The following LDLRAD2 variants were observed in gnomAD, a reference collection of about 807,000 sequenced individuals.
LDLRAD2 encodes low density lipoprotein receptor class A domain containing 2, also known as low-density lipoprotein receptor class A domain-containing protein 2.
A neutral mutation model predicts 24.9 loss-of-function variants in LDLRAD2; 25 were observed. The ratio of observed to expected loss-of-function variants is 1.00; its 90% CI spans 0.73 to 1.40. The LOEUF is 1.40. Among genes scored for constraint, LDLRAD2 ranks in the 40% most tolerant of loss-of-function variants. LDLRAD2 has a pLI of 0.00. For synonymous variants in LDLRAD2, 182 were observed against 166.7 expected (o/e 1.09, Z -0.71); for missense variants, 391 against 366.2 (o/e 1.07, Z -0.55).
At position 21,824,036 on chromosome 1, in the gene LDLRAD2, C is replaced by T. The variant is rs181703777; in HGVS notation, c.*1821C>T. ...AGTTCTGTCTCCACAGAGCTCAATA[C>T]CTGCCTCTCTGCCCATGGTAGGGGG... On this transcript the variant is annotated 3_prime_UTR_variant, in exon 5 of 5. Coordinates refer to ENST00000344642, the MANE Select transcript of LDLRAD2 (RefSeq NM_001013693.3). This position sits in a 1 kb window ranked among gnomAD's most constrained non-coding sequence, Gnocchi z 5.9. The T allele has an allele frequency of 5.5e-6, 7 of 1,278,346 alleles. No homozygotes were observed. The African/African-American group carries it at 5.9e-5, about 11-fold the overall frequency. The allele number at this position is 1,278,346 out of a possible 1,614,324, so 79.2% of individuals were successfully genotyped here.
At position 21,814,744 on chromosome 1, in the gene LDLRAD2, C is replaced by A. The variant is rs200897902; in HGVS notation, c.432C>A (p.Pro144=). 5.2e-6 allele frequency: 8 copies of A among 1,532,940 alleles called. No homozygotes were observed. In the East Asian group the frequency reaches 1.7e-4, roughly 33 times the overall value. The allele number at this position is 1,532,940 out of a possible 1,614,324, so 95.0% of individuals were successfully genotyped here. ...NIPVPVASSG[P]FLGLRLVTRG... ...CGGTGCCTGTGGCATCCTCCGGACC[C>A]TTTCTAGGCCTGCGCCTGGTCACGA... The change falls in exon 2 of 5, where the codon CCC becomes CCA. Residue 144 remains proline, a synonymous_variant. Coordinates refer to ENST00000344642, the MANE Select transcript of LDLRAD2 (RefSeq NM_001013693.3).
chr1:21,814,815 T>C lies in LDLRAD2; in HGVS notation c.503T>C (p.Phe168Ser). The change falls in exon 2 of 5, where the codon TTC (phenylalanine) becomes TCC (serine). Residue 168 changes from phenylalanine (F) to serine (S), a missense_variant. Transcript: ENST00000344642. ...GACTTCGTGGGCGAAGTCACCTCTT[T>C]CCGTCTGGGTGAGCTGGGGCTGAAG... is the stretch of plus-strand genomic sequence containing the variant. ...RVDFVGEVTS[F>S]RLGPCGAYFR... 1 of 1,474,534 alleles carries C rather than the reference T, an allele frequency of 6.8e-7. No individual in the cohort carries two copies. Among genetic ancestry groups the C allele is most frequent in the Non-Finnish European group, 8.9e-7 (1 of 1,121,022 alleles). 91.3% of individuals were successfully genotyped at this position (1,474,534 alleles called of 1,614,324 possible).
At chr1:21,815,805 A>G (rs1294077704) in intron 2 of LDLRAD2, 138 bp from the exon 3 acceptor site, 1 of 972,816 alleles carries the variant, frequency 1.0e-6, no homozygotes, top group African/African-American at 1.6e-5. Flanking sequence ...TGAAACACTC[A>G]TCCATGTTCT....
intron 3 of LDLRAD2, among the ~76,000 whole-genome samples, chr1:21,819,451 C>A (rs1357819699): frequency 6.6e-6 from 1 of 151,676 alleles, no homozygotes; most frequent in Non-Finnish European, 1.5e-5. Context: ...GCCTGCAGAA[C>A]TGAGACAATT....
chr1:21,821,498 C>T lies in LDLRAD2; in HGVS notation c.692C>T (p.Ser231Phe), dbSNP rs1271523427. 6.2e-7 allele frequency: 1 copy of T among 1,614,176 alleles called. No homozygotes were observed. Among genetic ancestry groups the T allele is most frequent in the South Asian group, 1.1e-5 (1 of 91,082 alleles). ...ACAGGAAGTACAGATGCCCATACCT[C>T]CAGATCCCTGACTCCCTCCCCAGCT... Reference protein sequence around the residue: ...SQTGSTDAHTSRSLTPSPALG... With the variant: ...SQTGSTDAHTFRSLTPSPALG... The change falls in exon 4 of 5, where the codon TCC (serine) becomes TTC (phenylalanine). Residue 231 changes from serine to phenylalanine, a missense_variant. Ser to Phe is a radical substitution (Grantham distance 155). Coordinates refer to ENST00000344642, the MANE Select transcript of LDLRAD2 (RefSeq NM_001013693.3).
rs1266337010 is a variant in LDLRAD2, at chr1:21,822,260, G to A, written c.*45G>A. 1.6e-5 allele frequency: 25 copies of A among 1,589,822 alleles called. No homozygotes were observed. Among genetic ancestry groups the A allele is most frequent in the Non-Finnish European group, 2.0e-5 (23 of 1,158,118 alleles). On this transcript the variant is annotated 3_prime_UTR_variant, in exon 5 of 5. Transcript: ENST00000344642. ...GGAGGCCCCTGGCGGGGATAGCACC[G>A]TTTATTAAGAAAAATCAAGACAAAG...
Position 21,823,985 on chromosome 1 carries a change from G to A in LDLRAD2, c.*1770G>A. Reference sequence around the variant, plus strand: ...GAGATGGAAGCCCGAGCCCTGGCTGGTGGGTTCTCCCCTCCCCTGGCTTCA... The same window carrying A: ...GAGATGGAAGCCCGAGCCCTGGCTGATGGGTTCTCCCCTCCCCTGGCTTCA... On this transcript the variant is annotated 3_prime_UTR_variant, in exon 5 of 5. Coordinates refer to ENST00000344642, the MANE Select transcript of LDLRAD2 (RefSeq NM_001013693.3). 1 of 934,580 alleles carries A rather than the reference G, an allele frequency of 1.1e-6. No individual in the cohort carries two copies. The highest frequency in any genetic ancestry group is 1.4e-5 in the South Asian group (1 of 70,552). The allele number at this position is 934,580 out of a possible 1,614,324, so 57.9% of individuals were successfully genotyped here.
Position 21,824,016 on chromosome 1 carries a change from T to C in LDLRAD2, c.*1801T>C, listed in dbSNP as rs972168057. On this transcript the variant is annotated 3_prime_UTR_variant, in exon 5 of 5. Transcript: ENST00000344642. The surrounding 1 kb of genome is among the most constrained non-coding windows in gnomAD (Gnocchi z 5.9). ...TCTCCCCTCCCCTGGCTTCAAGTTC[T>C]GTCTCCACAGAGCTCAATACCTGCC... The C allele has an allele frequency of 2.6e-6, 3 of 1,154,362 alleles. No individual in the cohort carries two copies. The highest frequency in any genetic ancestry group is 3.8e-6 in the Non-Finnish European group (3 of 787,874). The allele number at this position is 1,154,362 out of a possible 1,614,324, so 71.5% of individuals were successfully genotyped here. A position where few individuals can be genotyped will look rare whatever the true frequency, so the allele number is the denominator to read the frequency against.
At position 21,822,593 on chromosome 1, in the gene LDLRAD2, T is replaced by C. The variant is rs2097954748; in HGVS notation, c.*378T>C. 3.7e-6 allele frequency: 1 copy of C among 272,894 alleles called. No individual in the cohort carries two copies. Among genetic ancestry groups the C allele is most frequent in the African/African-American group, 2.2e-5 (1 of 46,038 alleles). 16.9% of individuals were successfully genotyped at this position (272,894 alleles called of 1,614,324 possible). A position where few individuals can be genotyped will look rare whatever the true frequency, so the allele number is the denominator to read the frequency against. ...GGCCCGGTGGGCGGGGCCCTATCAGTGCTGGGCTCTGCCTGTAGCAGCTCC... is the reference window on the plus strand; with the variant it reads ...GGCCCGGTGGGCGGGGCCCTATCAGCGCTGGGCTCTGCCTGTAGCAGCTCC... On this transcript the variant is annotated 3_prime_UTR_variant, in exon 5 of 5. Transcript: ENST00000344642.
Position 21,820,033 on chromosome 1 carries a change from C to G in LDLRAD2, c.644-1417C>G, listed in dbSNP as rs373570228. ...TCACTATCTTGAGAACAGCACCAAACGGATGGTGCTAAACTATTCATGAGA... is the reference window on the plus strand; with the variant it reads ...TCACTATCTTGAGAACAGCACCAAAGGGATGGTGCTAAACTATTCATGAGA... On this transcript the variant is annotated intron_variant, in intron 3 of 4. Transcript: ENST00000344642. 2.6e-4 allele frequency among the ~76,000 whole-genome samples: 40 copies of G among 152,274 alleles called. 1 individual carries two copies. Among genetic ancestry groups the G allele is most frequent in the African/African-American group, 8.7e-4 (36 of 41,552 alleles).
At position 21,823,783 on chromosome 1, in the gene LDLRAD2, G is replaced by C. The variant is rs991900058; in HGVS notation, c.*1568G>C. The C allele has an allele frequency of 5.6e-6, 7 of 1,261,156 alleles. No homozygotes were observed. The highest frequency in any genetic ancestry group is 4.6e-6 in the Non-Finnish European group (4 of 865,766). 78.1% of individuals were successfully genotyped at this position (1,261,156 alleles called of 1,614,324 possible). A position where few individuals can be genotyped will look rare whatever the true frequency, so the allele number is the denominator to read the frequency against. On this transcript the variant is annotated 3_prime_UTR_variant, in exon 5 of 5. Transcript: ENST00000344642. ...CCTGGTCCTCCCCGGCCCCACGACA[G>C]AGTCCCCTCCCTCTGATATCGAGAC...
At position 21,814,533 on chromosome 1, in the gene LDLRAD2, G is replaced by A. The variant is rs929828772; in HGVS notation, c.221G>A (p.Gly74Asp). The stretch of plus-strand genomic sequence containing the variant: ...CTCTGGGTGCAGGCGGCAGCCCCCG[G>A]CGACCGGATCCGCTTCCAGTTCCGC... ...CGLWVQAAAP[G>D]DRIRFQFRFF... The change falls in exon 2 of 5, where the codon GGC becomes GAC. Residue 74 changes from glycine (G) to aspartate (D), a missense_variant. Coordinates refer to ENST00000344642, the MANE Select transcript of LDLRAD2 (RefSeq NM_001013693.3). The A allele has an allele frequency of 1.9e-6, 3 of 1,612,330 alleles. No individual in the cohort carries two copies. Among genetic ancestry groups the A allele is most frequent in the African/African-American group, 2.7e-5 (2 of 74,896 alleles).
At chr1:21,814,854 C>T in intron 2 of LDLRAD2, 31 bp downstream of exon 2, 1 of 1,458,726 alleles carries the variant, frequency 6.9e-7, no homozygotes, top group South Asian at 1.5e-5. Flanking sequence ...GGGACGGGAC[C>T]CTCTGCAGAG....
chr1:21,812,630 G>A, intron 1 of LDLRAD2, 94 bp downstream of exon 1: 10 of 1,060,850 alleles, frequency 9.4e-6, no homozygotes, highest in Non-Finnish European at 1.3e-5. Flanking sequence ...TCATCCTGCT[G>A]GGCTGAGACC....
chr1:21,821,434 G>A lies in LDLRAD2; in HGVS notation c.644-16G>A, dbSNP rs753706798. 1 of 1,613,986 alleles carries A rather than the reference G, an allele frequency of 6.2e-7. No homozygotes were observed. The highest frequency in any genetic ancestry group is 1.3e-5 in the African/African-American group (1 of 74,934). Reference sequence around the variant, plus strand: ...GGGCAGTTCTCAGTGTGCTAGTTCTGTTCTTTCCCATGCAGGTCCCTCTCC... The same window carrying A: ...GGGCAGTTCTCAGTGTGCTAGTTCTATTCTTTCCCATGCAGGTCCCTCTCC... On this transcript the variant is annotated splice_polypyrimidine_tract_variant and intron_variant, in intron 3 of 4. Transcript: ENST00000344642.
At chr1:21,814,298 A>G in intron 1 of LDLRAD2, 100 bp from the exon 2 acceptor site, 3 of 934,148 alleles carry the variant, frequency 3.2e-6, no homozygotes, top group Non-Finnish European at 4.7e-6. Flanking sequence ...TGAGGCTCAG[A>G]GAGGGCGAGT....
rs1572118681 is a variant in LDLRAD2 at position 21,822,453 on chromosome 1, A to C, written c.*238A>C. 6 of 515,684 alleles carry C rather than the reference A, an allele frequency of 1.2e-5. No individual in the cohort carries two copies. The highest frequency in any genetic ancestry group is 5.9e-5 in the African/African-American group (3 of 51,140). 31.9% of individuals were successfully genotyped at this position (515,684 alleles called of 1,614,324 possible). A position where few individuals can be genotyped will look rare whatever the true frequency, so the allele number is the denominator to read the frequency against. On this transcript the variant is annotated 3_prime_UTR_variant, in exon 5 of 5. Transcript: ENST00000344642. ...TCAGTCGTGAGTCCTGCCTTCCCCC[A>C]CCTAAGGCACTAGCTCTTCCTGAGC...
chr1:21,817,139 A>G (rs927867930), intron 3 of LDLRAD2, among the ~76,000 whole-genome samples: 1 of 152,038 alleles, frequency 6.6e-6, no homozygotes, highest in African/African-American at 2.4e-5. Context: ...CAAGCCAGTG[A>G]CAAGTCCTTT....
At chr1:21,812,895 C>T (rs2097939994) in intron 1 of LDLRAD2, among the ~76,000 whole-genome samples, 1 of 152,180 alleles carries the variant, frequency 6.6e-6, no homozygotes, top group South Asian at 2.1e-4. Flanking sequence ...ATTTCTTTGG[C>T]AGTAAAATGA....
Sources: gnomAD v4.1 joint callset for allele counts (sites outside exome capture counted in the v4.1 genomes callset) on GRCh38, gnomAD v4.1.1 for gene constraint, Gnocchi (gnomAD v3.1) non-coding constraint, MANE v1.5 for transcripts, NCBI Gene and HGNC (gene_info 2026-07-23, HGNC 2026-07-21) for gene names.